The following MGA variants were observed in gnomAD, a reference collection of about 807,000 sequenced individuals.
The protein encoded by MGA is MAX dimerization protein MGA.
A neutral mutation model predicts 261.1 loss-of-function variants in MGA; 40 were observed. The observed-to-expected ratio is 0.15, with a 90% CI of 0.12 to 0.20. MGA has a LOEUF of 0.20. MGA is among the 10% of genes least tolerant of loss of function. The pLI, the probability that MGA is intolerant of heterozygous loss-of-function variation, is 1.00. For synonymous variants in MGA, 1,302 were observed against 1,290.6 expected (o/e 1.01, Z -0.19); for missense variants, 3,397 against 3,630.5 (o/e 0.94, Z 1.65).
chr15:41,764,974 A>C lies in MGA; in HGVS notation c.7833A>C (p.Leu2611=). The change falls in exon 23 of 24, where the codon CTA becomes CTC. Residue 2611 remains leucine, a synonymous_variant. Coordinates refer to ENST00000219905, the MANE Select transcript of MGA (RefSeq NM_001164273.2). ...AATTGCTCACCCTAAAAGGTCCCCT[A>C]TTCTCAGGACCAGTGGTAGCTGTTT... is the stretch of plus-strand genomic sequence containing the variant. 6.2e-7 allele frequency: 1 copy of C among 1,614,056 alleles called. No homozygotes were observed. Among genetic ancestry groups the C allele is most frequent in the South Asian group, 1.1e-5 (1 of 91,090 alleles).
chr15:41,709,069 G>T (rs1194389078), intron 7 of MGA, among the ~76,000 whole-genome samples: 1 of 152,020 alleles, frequency 6.6e-6, no homozygotes, highest in Non-Finnish European at 1.5e-5. Context: ...TTGTGGTTGG[G>T]CATGGTGGCT....
intron 1 of MGA, among the ~76,000 whole-genome samples, chr15:41,653,689 G>T (rs1313750203): frequency 2.0e-5 from 3 of 148,384 alleles, no homozygotes. Flanking sequence ...TCCAGCCTGG[G>T]AGACAGAGTG....
chr15:41,638,696 T>C (rs1000412464), intron 1 of MGA, among the ~76,000 whole-genome samples: 26 of 147,708 alleles, frequency 1.8e-4, no homozygotes, highest in African/African-American at 5.0e-4. Context: ...TTCTTTTTTT[T>C]TTTTTTTTTT....
At chr15:41,694,366 C>G (rs2059441896) in intron 2 of MGA, among the ~76,000 whole-genome samples, 1 of 151,784 alleles carries the variant, frequency 6.6e-6, no homozygotes, top group South Asian at 2.1e-4. Context: ...CCACTGTACT[C>G]CAGCCTGGGT....
intron 1 of MGA, among the ~76,000 whole-genome samples, chr15:41,650,725 A>G (rs1451001616): frequency 6.6e-6 from 1 of 152,198 alleles, no homozygotes; most frequent in African/African-American, 2.4e-5. Flanking sequence ...GGCGTGAGAC[A>G]CTGTACCTGG....
At chr15:41,740,420 G>GT (rs1224059599) in intron 14 of MGA, among the ~76,000 whole-genome samples, 1 of 151,994 alleles carries the variant, frequency 6.6e-6, no homozygotes, top group African/African-American at 2.4e-5. Context: ...TAATTTCTTG[G>GT]TTTTATATAT....
chr15:41,709,487 C>T (rs992294999), intron 7 of MGA, among the ~76,000 whole-genome samples: 4 of 152,032 alleles, frequency 2.6e-5, no homozygotes, highest in Admixed American at 6.6e-5. Flanking sequence ...CTCCATTGCC[C>T]AGGTTGGAGT....
At chr15:41,756,406 T>G (rs1298175880) in intron 18 of MGA, among the ~76,000 whole-genome samples, 3 of 151,928 alleles carry the variant, frequency 2.0e-5, no homozygotes, top group Non-Finnish European at 4.4e-5. Flanking sequence ...AAGTGGAGAT[T>G]TCTGGTGGTA....
In MGA at chr15:41,707,839, G is replaced by T; in HGVS notation, c.2300G>T (p.Gly767Val). 1.2e-6 allele frequency: 2 copies of T among 1,613,668 alleles called. No homozygotes were observed. The highest frequency in any genetic ancestry group is 4.5e-5 in the East Asian group (2 of 44,862). The change falls in exon 6 of 24, where the codon GGA (glycine) becomes GTA (valine). Residue 767 changes from glycine (G) to valine (V), a missense_variant. Gly to Val is a moderately radical substitution (Grantham distance 109, BLOSUM62 -3). Around this residue, in one of 9 missense-constraint regions of MGA, gnomAD observed 519 missense variants for 554.1 expected, o/e 0.94. Transcript: ENST00000219905. ...AGCTTTCCTTTTTGGAACCTTACAG[G>T]AACCAACCCTGCCTCTCCTGGTGAG...
chr15:41,678,547 C>T (rs1406868806), intron 2 of MGA, among the ~76,000 whole-genome samples: 2 of 150,320 alleles, frequency 1.3e-5, no homozygotes, highest in African/African-American at 2.4e-5. Context: ...GGGCGGATCA[C>T]GAGGTCAGAA....
At chr15:41,751,380 G>A (rs947633121) in intron 17 of MGA, 2 of 152,090 alleles carry the variant, frequency 1.3e-5, no homozygotes, top group African/African-American at 4.8e-5. Flanking sequence ...TCTCTGTTGC[G>A]ACTAATTGAC....
intron 1 of MGA, among the ~76,000 whole-genome samples, chr15:41,663,484 A>G (rs201446998): frequency 1.0e-3 from 152 of 150,726 alleles, no homozygotes; most frequent in East Asian, 2.9e-3. Flanking sequence ...TATTATTATT[A>G]TTGTTGTTGT....
upstream of MGA, among the ~76,000 whole-genome samples, chr15:41,655,734 T>G (rs181882478): frequency 4.7e-4 from 72 of 152,302 alleles, no homozygotes; most frequent in East Asian, 0.012. Context: ...CCTGTCAACA[T>G]TTATCTATTC....
intron 1 of MGA, among the ~76,000 whole-genome samples, chr15:41,642,394 C>T (rs1009354425): frequency 2.7e-5 from 4 of 150,146 alleles, no homozygotes; most frequent in African/African-American, 7.4e-5. Flanking sequence ...ACTGCAACTT[C>T]CACCTCCCGG....
chr15:41,622,591 G>A (rs2056332087), intron 1 of MGA, among the ~76,000 whole-genome samples: 1 of 152,132 alleles, frequency 6.6e-6, no homozygotes, highest in Non-Finnish European at 1.5e-5. Context: ...TATTTTCTGG[G>A]AGGAAATCAA....
intron 5 of MGA, among the ~76,000 whole-genome samples, chr15:41,702,322 CAAAA>C (rs10713634): frequency 3.9e-5 from 5 of 127,616 alleles, no homozygotes; most frequent in African/African-American, 3.1e-5. Context: ...GACATTGTCT[CAAAA>C]AAAAAAAAAA....
chr15:41,764,532 C>T (rs1270452440), intron 22 of MGA, among the ~76,000 whole-genome samples: 3 of 152,090 alleles, frequency 2.0e-5, no homozygotes, highest in East Asian at 1.9e-4. Flanking sequence ...GGATTACAGG[C>T]GTCAGCCACC....
At chr15:41,653,976 G>C (rs891107550) in intron 1 of MGA, among the ~76,000 whole-genome samples, 1 of 152,134 alleles carries the variant, frequency 6.6e-6, no homozygotes, top group Non-Finnish European at 1.5e-5. Context: ...CACCGTAAAG[G>C]ATTTCCTGTT....
At chr15:41,689,969 A>G (rs2059184091) in intron 2 of MGA, among the ~76,000 whole-genome samples, 1 of 152,240 alleles carries the variant, frequency 6.6e-6, no homozygotes, top group African/African-American at 2.4e-5. Context: ...CTGAAAGTGT[A>G]GAGTTCAATG....
Sources: allele counts gnomAD v4.1 joint callset (sites outside exome capture counted in the v4.1 genomes callset), GRCh38; gene constraint gnomAD v4.1.1; regional missense constraint gnomAD v4.1.1; transcripts MANE v1.5; gene names NCBI Gene and HGNC (gene_info 2026-07-23, HGNC 2026-07-21).